The following CNDP1 variants were observed in gnomAD, a reference collection of about 807,000 sequenced individuals.
The protein encoded by CNDP1 is beta-Ala-His dipeptidase.
A neutral mutation model predicts 58.1 loss-of-function variants in CNDP1; 44 were observed. The ratio of observed to expected loss-of-function variants is 0.76; its 90% CI spans 0.60 to 0.97. CNDP1 has a LOEUF of 0.97. Ranked by LOEUF, CNDP1 falls within the 50% of genes least tolerant of loss-of-function variation. CNDP1 has a pLI of 0.00. For missense variants in CNDP1, 616 were observed against 655.1 expected (o/e 0.94, Z 0.65); for synonymous variants, 254 against 252.6 (o/e 1.01, Z -0.05).
rs754049170 is a variant in CNDP1 at position 74,562,072 on chromosome 18, C to T, written c.492C>T (p.Thr164=). ...GGAAACTTTATGGACGAGGAGCGAC[C>T]GACAACAAAGGCCCTGTCTTGGCTT... The part of the protein sequence containing the change: ...VDGKLYGRGA[T]DNKGPVLAWI... The change falls in exon 5 of 12, where the codon ACC becomes ACT. Residue 164 remains threonine, a synonymous_variant. Coordinates refer to ENST00000358821, the MANE Select transcript of CNDP1 (RefSeq NM_032649.6). 7.6e-5 allele frequency: 123 copies of T among 1,613,906 alleles called. No individual in the cohort carries two copies. In the Middle Eastern group the frequency reaches 9.9e-4, roughly 13 times the overall value.
At chr18:74,534,778 G>GC (rs1980445237) in intron 1 of CNDP1, 87 bp downstream of exon 1, 2 of 1,508,016 alleles carry the variant, frequency 1.3e-6, no homozygotes, top group South Asian at 2.3e-5. Flanking sequence ...GCCCAGTTGG[G>GC]CAGGGCAGGC....
intron 1 of CNDP1, among the ~76,000 whole-genome samples, chr18:74,540,080 A>G (rs1382792847): frequency 1.3e-5 from 2 of 152,202 alleles, no homozygotes. Flanking sequence ...ATATTGTCCC[A>G]TAAAAATAGT....
intron 1 of CNDP1, among the ~76,000 whole-genome samples, chr18:74,536,577 A>C (rs141479284): frequency 6.6e-6 from 1 of 152,336 alleles, no homozygotes; most frequent in African/African-American, 2.4e-5. Flanking sequence ...TGTCTTTGCT[A>C]TTGTGAATAG....
At chr18:74,563,139 A>G (rs1981244923) in intron 5 of CNDP1, among the ~76,000 whole-genome samples, 1 of 152,092 alleles carries the variant, frequency 6.6e-6, no homozygotes, top group Non-Finnish European at 1.5e-5. Context: ...TCCCTCTCAG[A>G]AGTTTATTTT....
chr18:74,583,513 G>T (rs73478684), intron 10 of CNDP1, 48 bp from the exon 11 acceptor site: 2 of 1,538,328 alleles, frequency 1.3e-6, no homozygotes, highest in East Asian at 2.3e-5. Context: ...GCTTCCTGGG[G>T]GTGTTCTTGT....
Position 74,534,504 on chromosome 18 carries a change from G to A in CNDP1, c.-164G>A, listed in dbSNP as rs549197535. On this transcript the variant is annotated 5_prime_UTR_variant, in exon 1 of 12. It adds an upstream start codon to the 5' untranslated region. Transcript: ENST00000358821. ...TCCGAAGCCGCTTTGTTCTCCAGAT[G>A]TGAATAGCTCCACTATACCAGCCTC... The A allele has an allele frequency of 1.5e-6, 1 of 681,302 alleles. No individual in the cohort carries two copies. The highest frequency in any genetic ancestry group is 1.8e-5 in the South Asian group (1 of 55,144). 42.2% of individuals were successfully genotyped at this position (681,302 alleles called of 1,614,324 possible).
chr18:74,536,511 A>T (rs935526279), intron 1 of CNDP1, among the ~76,000 whole-genome samples: 17 of 152,198 alleles, frequency 1.1e-4, no homozygotes, highest in African/African-American at 4.1e-4. Context: ...CATGGTGTAG[A>T]TGTACCACAT....
chr18:74,554,384 C>T (rs373704554), intron 1 of CNDP1, among the ~76,000 whole-genome samples: 3 of 152,346 alleles, frequency 2.0e-5, no homozygotes, highest in East Asian at 3.9e-4. Flanking sequence ...CTGAGTGACA[C>T]TCTGGTTAGG....
In CNDP1 at chr18:74,583,495, C is replaced by T. The variant is rs549906131; in HGVS notation, c.1310-66C>T. The T allele has an allele frequency of 9.9e-5, 137 of 1,382,396 alleles. 2 individuals are homozygous for T. The South Asian group carries it at 1.6e-3, about 16-fold the overall frequency. The allele number at this position is 1,382,396 out of a possible 1,614,324, so 85.6% of individuals were successfully genotyped here. On this transcript the variant is annotated intron_variant, in intron 10 of 11. Transcript: ENST00000358821. ...AGAGGAAGGTAAAGGAGGCACTGAC[C>T]TTGAGGAGCTTCCTGGGGGTGTTCT...
At position 74,553,088 on chromosome 18, in the gene CNDP1, G is replaced by A. The variant is rs529102706; in HGVS notation, c.25-3250G>A. On this transcript the variant is annotated intron_variant, in intron 1 of 11. Transcript: ENST00000358821. ...TTGGCCATTTGCATATTTTCTTTGA[G>A]GAAATGTTTATTCAAATCCTTTGCA... Among the ~76,000 whole-genome samples, 7 of 152,262 alleles carry A rather than the reference G, an allele frequency of 4.6e-5. No homozygotes were observed. In the South Asian group the frequency reaches 1.5e-3, roughly 32 times the overall value.
chr18:74,559,375 G>A lies in CNDP1; in HGVS notation c.206G>A (p.Arg69His), dbSNP rs752275078. 5.1e-5 allele frequency: 83 copies of A among 1,613,780 alleles called. No homozygotes were observed. The highest frequency in any genetic ancestry group is 3.3e-4 in the Middle Eastern group (2 of 6,080). ...AGCGACTCTGTCCAGCCTGTGCCTC[G>A]CTTCAGACAAGAGCTCTTCAGAATG... ...IESDSVQPVP[R>H]FRQELFRMMA... Residue 69 changes from arginine (R) to histidine (H), a missense_variant, in exon 3 of 12, where the codon CGC becomes CAC. Coordinates refer to ENST00000358821, the MANE Select transcript of CNDP1 (RefSeq NM_032649.6).
At position 74,567,216 on chromosome 18, in the gene CNDP1, CT is replaced by C. The variant is rs767437203; in HGVS notation, c.556-15del. On this transcript the variant is annotated splice_polypyrimidine_tract_variant and intron_variant, in intron 5 of 11. Coordinates refer to ENST00000358821, the MANE Select transcript of CNDP1 (RefSeq NM_032649.6). Reference sequence around the variant, plus strand: ...ATCAGGCAACTTGTGCAATTTTTTTCTTCTGTTGTTACTTAGGATCTTCCTG... The same window carrying C: ...ATCAGGCAACTTGTGCAATTTTTTTCTCTGTTGTTACTTAGGATCTTCCTG... The C allele has an allele frequency of 6.2e-7, 1 of 1,609,768 alleles. No individual in the cohort carries two copies. Among genetic ancestry groups the C allele is most frequent in the East Asian group, 2.2e-5 (1 of 44,880 alleles).
At chr18:74,579,768 C>G (rs1484081437) in intron 9 of CNDP1, among the ~76,000 whole-genome samples, 1 of 152,168 alleles carries the variant, frequency 6.6e-6, no homozygotes, top group Non-Finnish European at 1.5e-5. Flanking sequence ...AAGAGAAGTC[C>G]TGCTGTGTTA....
chr18:74,567,133 TG>T, intron 5 of CNDP1, 99 bp from the exon 6 acceptor site: 1 of 942,682 alleles, frequency 1.1e-6, no homozygotes, highest in Non-Finnish European at 1.7e-6. Flanking sequence ...CCACAACACG[TG>T]GGAATTCTGG....
At chr18:74,580,655 A>G (rs1244587954) in intron 10 of CNDP1, among the ~76,000 whole-genome samples, 3 of 152,206 alleles carry the variant, frequency 2.0e-5, no homozygotes, top group Non-Finnish European at 4.4e-5. Context: ...GTTGGCCAAC[A>G]TGTAAAAACA....
intron 1 of CNDP1, among the ~76,000 whole-genome samples, chr18:74,540,407 G>A (rs111966733): frequency 3.1e-4 from 47 of 152,228 alleles, no homozygotes; most frequent in African/African-American, 9.1e-4. Flanking sequence ...TGATCCACCC[G>A]CCTCATCCTC....
chr18:74,557,257 T>C (rs1054765657), intron 2 of CNDP1, among the ~76,000 whole-genome samples: 2 of 152,186 alleles, frequency 1.3e-5, no homozygotes, highest in East Asian at 3.8e-4. Context: ...GGTCTTGCTC[T>C]GTCACCCAGG....
At chr18:74,542,087 G>A (rs34138697) in intron 1 of CNDP1, among the ~76,000 whole-genome samples, 5,442 of 152,270 alleles carry the variant, frequency 0.036, 154 homozygotes, top group Admixed American at 0.091. Flanking sequence ...AGGGAGAAAC[G>A]CGTTTGCATG....
intron 3 of CNDP1, 62 bp downstream of exon 3, chr18:74,559,534 C>T (rs576569435): frequency 3.8e-4 from 581 of 1,520,992 alleles, no homozygotes; most frequent in Non-Finnish European, 4.8e-4. Context: ...CATGCCTTCC[C>T]GGGGGTGGCA....
Sources: allele counts gnomAD v4.1 joint callset (sites outside exome capture counted in the v4.1 genomes callset), GRCh38; gene constraint gnomAD v4.1.1; transcripts MANE v1.5; gene names NCBI Gene and HGNC (gene_info 2026-07-23, HGNC 2026-07-21).